Variants in TTLL11 observed in about 807,000 individuals in gnomAD.
The protein encoded by TTLL11 is tubulin polyglutamylase TTLL11.
TTLL11 carries 42 observed loss-of-function variants against 51.7 expected under a neutral mutation model. That is an observed-to-expected ratio of 0.81 (90% CI 0.64 to 1.05). TTLL11 has a LOEUF of 1.05. TTLL11 is among the 50% of genes least tolerant of loss of function. The pLI, the probability that TTLL11 is intolerant of heterozygous loss-of-function variation, is 0.00. For missense variants in TTLL11, 799 were observed against 940.4 expected (o/e 0.85, Z 1.97); for synonymous variants, 381 against 383.5 (o/e 0.99, Z 0.08).
intron 1 of TTLL11, among the ~76,000 whole-genome samples, chr9:122,082,591 G>A (rs1291690149): frequency 3.3e-5 from 5 of 151,266 alleles, no homozygotes; most frequent in African/African-American, 9.7e-5. Context: ...AACAACATCC[G>A]TCAATAAATT....
intron 4 of TTLL11, among the ~76,000 whole-genome samples, chr9:121,986,513 C>G (rs958738864): frequency 6.6e-6 from 1 of 152,138 alleles, no homozygotes; most frequent in Non-Finnish European, 1.5e-5. Flanking sequence ...TAAGTTCTTC[C>G]CTTTTCTCCT....
chr9:121,883,474 C>T (rs201815181), intron 6 of TTLL11, among the ~76,000 whole-genome samples: 8 of 152,170 alleles, frequency 5.3e-5, no homozygotes, highest in African/African-American at 9.7e-5. Flanking sequence ...AGGAAGATTT[C>T]GCGGCCTCCT....
At chr9:122,091,893 C>G (rs1846268736) in intron 1 of TTLL11, among the ~76,000 whole-genome samples, 1 of 152,168 alleles carries the variant, frequency 6.6e-6, no homozygotes, top group African/African-American at 2.4e-5. Flanking sequence ...GGGATGATAA[C>G]TCATGTATTC....
chr9:122,031,205 C>T (rs1388845815), intron 3 of TTLL11, among the ~76,000 whole-genome samples: 6 of 152,186 alleles, frequency 3.9e-5, no homozygotes, highest in Non-Finnish European at 5.9e-5. Context: ...GTATTACATG[C>T]TCAAACCTGG....
chr9:121,954,498 A>T lies in TTLL11; in HGVS notation c.1481+19511T>A, dbSNP rs1337399611. On this transcript the variant is annotated intron_variant, in intron 6 of 8. Coordinates refer to ENST00000321582, the MANE Select transcript of TTLL11 (RefSeq NM_001139442.2). Reference sequence around the variant, plus strand: ...CAAAAAATGGCCTTCTGTATCCAGAACTATTTTTAGAAACACAATCCTATT... The same window carrying T: ...CAAAAAATGGCCTTCTGTATCCAGATCTATTTTTAGAAACACAATCCTATT... 3.3e-5 allele frequency among the ~76,000 whole-genome samples: 5 copies of T among 152,370 alleles called. No individual in the cohort carries two copies. In the East Asian group the frequency reaches 7.7e-4, roughly 23 times the overall value.
chr9:122,043,515 T>C (rs1241453665), intron 1 of TTLL11, among the ~76,000 whole-genome samples: 2 of 152,096 alleles, frequency 1.3e-5, no homozygotes, highest in East Asian at 1.9e-4. Flanking sequence ...GGCCTAATCA[T>C]ATGAGCCAAA....
chr9:121,845,921 A>G (rs1448107055), intron 8 of TTLL11, among the ~76,000 whole-genome samples: 1 of 152,212 alleles, frequency 6.6e-6, no homozygotes. Context: ...CAATCCAACT[A>G]TATCAATAAG....
intron 8 of TTLL11, among the ~76,000 whole-genome samples, chr9:121,842,667 A>T (rs370910638): frequency 1.3e-5 from 2 of 152,242 alleles, no homozygotes; most frequent in African/African-American, 4.8e-5. Flanking sequence ...TATGGGCCAG[A>T]TGAGTCTCTG....
chr9:121,999,261 T>A (rs977538856), intron 3 of TTLL11, among the ~76,000 whole-genome samples: 1 of 152,144 alleles, frequency 6.6e-6, no homozygotes, highest in Non-Finnish European at 1.5e-5. Flanking sequence ...TCAGTTAAAG[T>A]ATGCCCCAAA....
chr9:122,073,613 T>C (rs1459871225), intron 1 of TTLL11, among the ~76,000 whole-genome samples: 1 of 152,040 alleles, frequency 6.6e-6, no homozygotes, highest in Non-Finnish European at 1.5e-5. Flanking sequence ...CAGGGGAAGT[T>C]GTAGGCAGGC....
intron 6 of TTLL11, among the ~76,000 whole-genome samples, chr9:121,949,880 T>A (rs1243602013): frequency 6.6e-6 from 1 of 152,140 alleles, no homozygotes; most frequent in African/African-American, 2.4e-5. Context: ...ATAGTCTTCC[T>A]CAAGTCTTCT....
chr9:122,025,603 G>C lies in TTLL11; in HGVS notation c.693+6120C>G, dbSNP rs907796235. Among the ~76,000 whole-genome samples the C allele has an allele frequency of 5.9e-5, 9 of 152,312 alleles. No individual in the cohort carries two copies. The South Asian group carries it at 1.5e-3, about 25-fold the overall frequency. On this transcript the variant is annotated intron_variant, in intron 3 of 8. Coordinates refer to ENST00000321582, the MANE Select transcript of TTLL11 (RefSeq NM_001139442.2). ...CCACTGCACTCCATCCTGGGGGACA[G>C]AGCAAGACCCACTCTTAAGTAAATA... is the stretch of plus-strand genomic sequence containing the variant.
intron 8 of TTLL11, among the ~76,000 whole-genome samples, chr9:121,857,623 C>T (rs545676078): frequency 3.0e-4 from 45 of 152,304 alleles, no homozygotes; most frequent in African/African-American, 1.0e-3. Context: ...TGAGGTCTGG[C>T]CAAGGGCCTG....
intron 6 of TTLL11, among the ~76,000 whole-genome samples, chr9:121,973,145 T>C (rs1197692746): frequency 1.3e-5 from 2 of 152,174 alleles, no homozygotes; most frequent in Non-Finnish European, 2.9e-5. Context: ...GAAATATTCA[T>C]TTCTGGGGTG....
chr9:121,826,557 G>GTGTATATATATATATA lies in TTLL11; in HGVS notation c.1841-3679_1841-3678insTATATATATATATACA, dbSNP rs1189626793. Reference sequence around the variant, plus strand: ...TGTGTGTATATATATATATGTGTGTGTATATATATATATATATATATATAT... The same window carrying GTGTATATATATATATA: ...TGTGTGTATATATATATATGTGTGTGTGTATATATATATATATATATATATATATATATATATATAT... On this transcript the variant is annotated intron_variant, in intron 8 of 8. Coordinates refer to ENST00000321582, the MANE Select transcript of TTLL11 (RefSeq NM_001139442.2). 5.7e-3 allele frequency among the ~76,000 whole-genome samples: 295 copies of GTGTATATATATATATA among 51,330 alleles called. 13 individuals carry two copies. Among genetic ancestry groups the GTGTATATATATATATA allele is most frequent in the African/African-American group, 0.019 (270 of 14,186 alleles). 33.7% of individuals were successfully genotyped at this position (51,330 alleles called of 152,430 possible). A position where few individuals can be genotyped will look rare whatever the true frequency, so the allele number is the denominator to read the frequency against.
chr9:121,838,695 G>A (rs1162394658), intron 8 of TTLL11, among the ~76,000 whole-genome samples: 2 of 151,706 alleles, frequency 1.3e-5, no homozygotes, highest in African/African-American at 4.9e-5. Context: ...CTCCAGACTG[G>A]GTGACAGAGT....
At position 122,063,336 on chromosome 9, in the gene TTLL11, C is replaced by A. The variant is rs969225830; in HGVS notation, c.463-23968G>T. Among the ~76,000 whole-genome samples, 4 of 152,276 alleles carry A rather than the reference C, an allele frequency of 2.6e-5. No individual in the cohort carries two copies. The East Asian group carries it at 7.7e-4, about 29-fold the overall frequency. On this transcript the variant is annotated intron_variant, in intron 1 of 8. Transcript: ENST00000321582. Reference sequence around the variant, plus strand: ...CTATTTGAAGATCCATATATGATAACATCAGATCTATTGTTGATTTTTAAC... The same window carrying A: ...CTATTTGAAGATCCATATATGATAAAATCAGATCTATTGTTGATTTTTAAC...
At chr9:121,866,739 G>A (rs1838189760) in intron 7 of TTLL11, among the ~76,000 whole-genome samples, 1 of 152,030 alleles carries the variant, frequency 6.6e-6, no homozygotes, top group Admixed American at 6.6e-5. Flanking sequence ...ATTTCTCCCT[G>A]CATTCTTAAT....
intron 1 of TTLL11, among the ~76,000 whole-genome samples, chr9:122,074,858 G>A (rs1382322369): frequency 6.6e-6 from 1 of 151,596 alleles, no homozygotes; most frequent in Non-Finnish European, 1.5e-5. Context: ...CCTCCAGCCT[G>A]GGCAAGACAG....
Sources: gnomAD v4.1 joint callset for allele counts (sites outside exome capture counted in the v4.1 genomes callset) on GRCh38, gnomAD v4.1.1 for gene constraint, MANE v1.5 for transcripts, NCBI Gene and HGNC (gene_info 2026-07-23, HGNC 2026-07-21) for gene names.